The following IGSF11 variants were observed in gnomAD, a reference collection of about 807,000 sequenced individuals.
IGSF11 encodes immunoglobulin superfamily member 11.
Under a neutral mutation model 41.0 loss-of-function variants are expected in IGSF11, and 22 were observed. That is an observed-to-expected ratio of 0.54 (90% CI 0.38 to 0.77). The LOEUF (loss-of-function observed/expected upper bound fraction) is 0.77, where lower values mean the gene tolerates loss of function less well. Among genes scored for constraint, IGSF11 ranks in the 30% least tolerant of loss-of-function variants. The pLI is 0.00. For synonymous variants in IGSF11, 219 were observed against 201.3 expected, an observed-to-expected ratio of 1.09 and a Z score of -0.74; for missense variants, 444 against 530.8, an observed-to-expected ratio of 0.84 and a Z score of 1.61.
At chr3:119,123,041 T>C (rs1384665581) in intron 1 of IGSF11, among the ~76,000 whole-genome samples, 2 of 152,166 alleles carry the variant, frequency 1.3e-5, no homozygotes, top group African/African-American at 4.8e-5. Flanking sequence ...CCAGTTGGGC[T>C]CTTAAGAATC....
chr3:119,001,455 GC>G (rs1936836312), intron 1 of IGSF11, among the ~76,000 whole-genome samples: 1 of 138,710 alleles, frequency 7.2e-6, no homozygotes, highest in Admixed American at 7.2e-5. Flanking sequence ...TTTTTTTCTG[GC>G]CCCAGGTTTT....
At chr3:119,013,157 T>C in intron 1 of IGSF11, 1 of 152,166 alleles carries the variant, frequency 6.6e-6, no homozygotes, top group Non-Finnish European at 1.5e-5. Flanking sequence ...TTCTATGGAG[T>C]TCTATGAAGA....
At chr3:119,053,753 C>T (rs1419073355) in intron 1 of IGSF11, among the ~76,000 whole-genome samples, 1 of 151,700 alleles carries the variant, frequency 6.6e-6, no homozygotes, top group East Asian at 1.9e-4. Flanking sequence ...ATCACATTAT[C>T]CAAGTTCAAA....
chr3:119,114,135 G>A (rs566914215), intron 1 of IGSF11, among the ~76,000 whole-genome samples: 1 of 152,336 alleles, frequency 6.6e-6, no homozygotes, highest in African/African-American at 2.4e-5. Flanking sequence ...GGGAGGGGCT[G>A]CTGCAAAGGT....
At chr3:118,931,683 G>A (rs1359324748) in intron 1 of IGSF11, among the ~76,000 whole-genome samples, 1 of 151,824 alleles carries the variant, frequency 6.6e-6, no homozygotes. Flanking sequence ...TTTTAGTGAT[G>A]GAAAACTAGG....
chr3:119,034,418 G>C (rs1940728097), intron 1 of IGSF11, 113 bp downstream of exon 1: 1 of 1,075,346 alleles, frequency 9.3e-7, no homozygotes, highest in East Asian at 3.2e-5. Flanking sequence ...GAGAAAGTTG[G>C]ACTCCCGACC....
intron 1 of IGSF11, among the ~76,000 whole-genome samples, chr3:118,984,336 A>G (rs1409587062): frequency 6.6e-6 from 1 of 152,194 alleles, no homozygotes; most frequent in African/African-American, 2.4e-5. Flanking sequence ...TTATGTAAGG[A>G]AGGCCCTTCA....
At position 119,130,357 on chromosome 3, in the gene IGSF11, T is replaced by C. The variant is rs114685869; in HGVS notation, c.-14+15456A>G. The stretch of plus-strand genomic sequence containing the variant: ...GAAAATCGGTACACTCTTGCCCAAA[T>C]ACTGCACTTTTCCCATGGTCTTAGC... On this transcript the variant is annotated intron_variant, in intron 1 of 7. Coordinates refer to the IGSF11 transcript ENST00000425327. Among the ~76,000 whole-genome samples, 101 of 152,296 alleles carry C rather than the reference T, an allele frequency of 6.6e-4. 1 individual carries two copies. Among genetic ancestry groups the C allele is most frequent in the African/African-American group, 2.2e-3 (91 of 41,568 alleles).
chr3:118,930,380 T>C (rs1335882060), intron 1 of IGSF11, 105 bp from the exon 2 acceptor site: 12 of 1,114,110 alleles, frequency 1.1e-5, no homozygotes, highest in Admixed American at 5.5e-5. Flanking sequence ...TTATTGATTA[T>C]GTGAACAGAC....
Position 118,928,489 on chromosome 3 carries a change from A to C in IGSF11, c.424+20T>G. On this transcript the variant is annotated intron_variant, in intron 3 of 6. Coordinates refer to ENST00000393775, the MANE Select transcript of IGSF11 (RefSeq NM_001015887.3). ...TTCGTGAGTAAAGCCCGAACAGCCAAGGACTCTTGTGTCACTCACCTAACA... is the reference window on the plus strand; with the variant it reads ...TTCGTGAGTAAAGCCCGAACAGCCACGGACTCTTGTGTCACTCACCTAACA... 1 of 1,602,034 alleles carries C rather than the reference A, an allele frequency of 6.2e-7. No homozygotes were observed. Among genetic ancestry groups the C allele is most frequent in the South Asian group, 1.1e-5 (1 of 90,780 alleles).
At chr3:118,939,636 T>G (rs1943532140) in intron 1 of IGSF11, among the ~76,000 whole-genome samples, 1 of 151,352 alleles carries the variant, frequency 6.6e-6, no homozygotes. Flanking sequence ...CAAGGAAGAT[T>G]AGAAAATATT....
intron 1 of IGSF11, among the ~76,000 whole-genome samples, chr3:119,080,904 A>C (rs546616574): frequency 6.6e-6 from 1 of 152,244 alleles, no homozygotes; most frequent in East Asian, 1.9e-4. Context: ...AAATCTATTA[A>C]TATATTAATG....
intron 1 of IGSF11, among the ~76,000 whole-genome samples, chr3:118,941,101 AT>A (rs1317946948): frequency 6.6e-6 from 1 of 152,044 alleles, no homozygotes; most frequent in Non-Finnish European, 1.5e-5. Context: ...CCACTTAAAA[AT>A]GGGTAAGACC....
At chr3:118,920,934 T>C (rs934596146) in intron 4 of IGSF11, among the ~76,000 whole-genome samples, 3 of 152,200 alleles carry the variant, frequency 2.0e-5, no homozygotes, top group Non-Finnish European at 4.4e-5. Context: ...CACTGGCCTC[T>C]TTGATATTCA....
At chr3:119,039,158 C>G (rs1941021284), upstream of IGSF11, among the ~76,000 whole-genome samples, 1 of 152,178 alleles carries the variant, frequency 6.6e-6, no homozygotes. Context: ...TCTATTGCTG[C>G]TATAACAAAT....
At chr3:118,988,536 A>T (rs1372471731) in intron 1 of IGSF11, among the ~76,000 whole-genome samples, 1 of 152,166 alleles carries the variant, frequency 6.6e-6, no homozygotes, top group Non-Finnish European at 1.5e-5. Flanking sequence ...TATGACTTTC[A>T]AAACTGCAGA....
intron 1 of IGSF11, among the ~76,000 whole-genome samples, chr3:119,052,410 G>T (rs1258138336): frequency 1.5e-5 from 2 of 132,494 alleles, no homozygotes; most frequent in African/African-American, 2.8e-5. Context: ...TGTCACAAAA[G>T]ATAGAAAGGA....
chr3:119,134,423 GACAA>G (rs1416379065), intron 1 of IGSF11, among the ~76,000 whole-genome samples: 11 of 152,056 alleles, frequency 7.2e-5, no homozygotes, highest in East Asian at 1.9e-4. Flanking sequence ...ACCAATAACA[GACAA>G]ACAGAGAGCC....
intron 1 of IGSF11, among the ~76,000 whole-genome samples, chr3:119,000,054 T>C (rs569318791): frequency 1.0e-3 from 152 of 150,592 alleles, no homozygotes; most frequent in African/African-American, 3.7e-3. Context: ...CTTCCAAAGA[T>C]TCATTATTCT....
Sources: gnomAD v4.1 joint callset for allele counts (sites outside exome capture counted in the v4.1 genomes callset) on GRCh38, gnomAD v4.1.1 for gene constraint, MANE v1.5 for transcripts, NCBI Gene and HGNC (gene_info 2026-07-23, HGNC 2026-07-21) for gene names.